The following NTN1 variants were observed in gnomAD, a reference collection of about 807,000 sequenced individuals.
The protein encoded by NTN1 is netrin 1.
A neutral mutation model predicts 54.2 loss-of-function variants in NTN1; 11 were observed. That is an observed-to-expected ratio of 0.20 (90% CI 0.13 to 0.34). The LOEUF (loss-of-function observed/expected upper bound fraction) is 0.34. Among genes scored for constraint, NTN1 ranks in the 10% least tolerant of loss-of-function variants. The pLI, the probability that NTN1 is intolerant of heterozygous loss-of-function variation, is 1.00. For missense variants in NTN1, 740 were observed against 893.1 expected (o/e 0.83, Z 2.18); for synonymous variants, 371 against 382.0 (o/e 0.97, Z 0.33).
chr17:9,239,971 C>T lies in NTN1; in HGVS notation c.*3C>T, dbSNP rs1165691959. ...AGGGCAAGTGCAAGAAGGCCTAGCG[C>T]CGAGGCAGCGGGCGGGCGGGCGGGC... On this transcript the variant is annotated 3_prime_UTR_variant, in exon 7 of 7. Transcript: ENST00000173229. The surrounding 1 kb of genome is among the most constrained non-coding windows in gnomAD (Gnocchi z 5.2). The T allele has an allele frequency of 4.1e-6, 1 of 245,670 alleles. No individual in the cohort carries two copies. The highest frequency in any genetic ancestry group is 2.3e-4 in the East Asian group (1 of 4,370). The allele number at this position is 245,670 out of a possible 1,614,324, so 15.2% of individuals were successfully genotyped here.
At chr17:9,111,083 A>T (rs538338707) in intron 2 of NTN1, among the ~76,000 whole-genome samples, 1 of 151,810 alleles carries the variant, frequency 6.6e-6, no homozygotes, top group East Asian at 1.9e-4. Context: ...GATTACCGGC[A>T]CACGCCACCA....
At chr17:9,198,887 G>A (rs542996741) in intron 5 of NTN1, among the ~76,000 whole-genome samples, 14 of 152,278 alleles carry the variant, frequency 9.2e-5, no homozygotes, top group Non-Finnish European at 1.9e-4. Flanking sequence ...TTTCACCTAC[G>A]AGGGAGGCCA....
At chr17:9,009,965 A>G in the NTN1 span, among the ~76,000 whole-genome samples, 2 of 152,012 alleles carry the variant, frequency 1.3e-5, no homozygotes, top group African/African-American at 2.4e-5. Context: ...TTTGGATGAG[A>G]TACTCTCTAA....
intron 6 of NTN1, among the ~76,000 whole-genome samples, chr17:9,229,080 CTGTG>C (rs368617356): frequency 1.1e-4 from 17 of 149,568 alleles, no homozygotes; most frequent in Non-Finnish European, 2.4e-4. Flanking sequence ...GTGTTTGTGA[CTGTG>C]TGTGTGACTG....
chr17:9,155,433 C>T (rs1344643148), intron 2 of NTN1, among the ~76,000 whole-genome samples: 1 of 151,936 alleles, frequency 6.6e-6, no homozygotes, highest in Non-Finnish European at 1.5e-5. Context: ...CCTTTGCCTC[C>T]CGGGTTCAAG....
At chr17:9,058,532 T>A (rs952366632) in intron 2 of NTN1, among the ~76,000 whole-genome samples, 1 of 151,632 alleles carries the variant, frequency 6.6e-6, no homozygotes, top group East Asian at 1.9e-4. Flanking sequence ...GCCTCACTTT[T>A]CTTATCCATA....
chr17:9,183,938 T>C (rs1257688752), intron 5 of NTN1, among the ~76,000 whole-genome samples: 1 of 152,090 alleles, frequency 6.6e-6, no homozygotes, highest in Admixed American at 6.6e-5. Flanking sequence ...CACAGGACTT[T>C]TGTGTACTGG....
intron 5 of NTN1, 104 bp downstream of exon 5, chr17:9,183,073 C>T (rs1207604042): frequency 8.5e-7 from 1 of 1,182,566 alleles, no homozygotes; most frequent in African/African-American, 1.5e-5. Flanking sequence ...CTCCTCTAAC[C>T]ACTGTCCGGG....
the NTN1 span, among the ~76,000 whole-genome samples, chr17:9,007,797 T>A: frequency 6.6e-6 from 1 of 152,026 alleles, no homozygotes; most frequent in Non-Finnish European, 1.5e-5. Flanking sequence ...AGTGGCATGA[T>A]CATGCCTCAT....
chr17:9,015,389 C>T, the NTN1 span, among the ~76,000 whole-genome samples: 1 of 152,122 alleles, frequency 6.6e-6, no homozygotes, highest in Non-Finnish European at 1.5e-5. Context: ...CCAGCCTGGG[C>T]ATCAGAGTGA....
intron 3 of NTN1, among the ~76,000 whole-genome samples, chr17:9,179,593 C>A (rs556053975): frequency 6.6e-6 from 1 of 152,168 alleles, no homozygotes; most frequent in Non-Finnish European, 1.5e-5. Flanking sequence ...CTCTTCAGGT[C>A]GGTCCATTTT....
rs529144496 is a variant in NTN1 at position 9,093,711 on chromosome 17, C to T, written c.1019-69102C>T. 5.1e-4 allele frequency among the ~76,000 whole-genome samples: 77 copies of T among 152,318 alleles called. 1 individual carries two copies. Among genetic ancestry groups the T allele is most frequent in the African/African-American group, 1.8e-3 (76 of 41,566 alleles). ...CAAGTTGGCTGGGCGCGGTGGCTCA[C>T]GCCTGTAATCCCAGCACTTTGGGAA... On this transcript the variant is annotated intron_variant, in intron 2 of 6. Coordinates refer to ENST00000173229, the MANE Select transcript of NTN1 (RefSeq NM_004822.3).
intron 5 of NTN1, among the ~76,000 whole-genome samples, chr17:9,217,013 G>T (rs1321160509): frequency 1.3e-5 from 2 of 151,392 alleles, no homozygotes; most frequent in African/African-American, 2.4e-5. Context: ...TTGCACTCCA[G>T]TCTGGATGAC....
chr17:9,226,485 CGG>C, intron 6 of NTN1, among the ~76,000 whole-genome samples: 3 of 32,150 alleles, frequency 9.3e-5, no homozygotes, highest in Non-Finnish European at 1.4e-4. Context: ...CGTGGGGAGG[CGG>C]TCTCGTGGGG....
intron 2 of NTN1, among the ~76,000 whole-genome samples, chr17:9,037,744 A>G (rs2091907696): frequency 6.6e-6 from 1 of 152,086 alleles, no homozygotes; most frequent in African/African-American, 2.4e-5. Context: ...CCCAGGGGGC[A>G]TTTGGAAGGT....
chr17:9,066,387 G>A (rs2142211737), intron 2 of NTN1, among the ~76,000 whole-genome samples: 1 of 152,368 alleles, frequency 6.6e-6, no homozygotes, highest in South Asian at 2.1e-4. Flanking sequence ...CCAGCACTTT[G>A]GGAGGCTGAG....
At chr17:9,238,570 T>C (rs1160786125) in intron 6 of NTN1, among the ~76,000 whole-genome samples, 1 of 152,140 alleles carries the variant, frequency 6.6e-6, no homozygotes, top group Admixed American at 6.5e-5. Context: ...TCTGGTGACC[T>C]GAGATGCACC....
chr17:9,116,596 A>ACGGTG (rs2092213600), intron 2 of NTN1, among the ~76,000 whole-genome samples: 1 of 152,136 alleles, frequency 6.6e-6, no homozygotes, highest in Non-Finnish European at 1.5e-5. Context: ...GCTGCGGAAG[A>ACGGTG]CGGTGCCTGC....
intron 2 of NTN1, among the ~76,000 whole-genome samples, chr17:9,051,739 T>G (rs751968989): frequency 1.3e-5 from 2 of 152,172 alleles, no homozygotes; most frequent in Non-Finnish European, 2.9e-5. Flanking sequence ...TACAGTACAT[T>G]CTTGTTAGTT....
Sources: allele counts gnomAD v4.1 joint callset (sites outside exome capture counted in the v4.1 genomes callset), GRCh38; gene constraint gnomAD v4.1.1; non-coding constraint Gnocchi (gnomAD v3.1); transcripts MANE v1.5; gene names NCBI Gene and HGNC (gene_info 2026-07-23, HGNC 2026-07-21).